KAZN: variants seen among roughly 807,000 people sequenced by gnomAD.
The protein encoded by KAZN is kazrin, periplakin interacting protein, also known as kazrin.
KAZN carries 40 observed loss-of-function variants against 87.4 expected under a neutral mutation model. That is an observed-to-expected ratio of 0.46 (90% confidence interval 0.36 to 0.60). The LOEUF (loss-of-function observed/expected upper bound fraction) is 0.60, where lower values mean the gene tolerates loss of function less well. Among genes scored for constraint, KAZN ranks in the 20% least tolerant of loss-of-function variants. The pLI, the probability that KAZN is intolerant of heterozygous loss-of-function variation, is 0.00. For missense variants in KAZN, 898 were observed against 1,073.9 expected (o/e 0.84, Z 2.29); for synonymous variants, 466 against 458.3 (o/e 1.02, Z -0.22).
chr1:14,822,704 T>G (rs569464548), intron 1 of KAZN, among the ~76,000 whole-genome samples: 1 of 152,344 alleles, frequency 6.6e-6, no homozygotes, highest in South Asian at 2.1e-4. Flanking sequence ...CCCAGTGGCC[T>G]TCTCTGGAGG....
chr1:14,341,548 C>T (rs1233829125), intron 2 of KAZN, among the ~76,000 whole-genome samples: 2 of 152,206 alleles, frequency 1.3e-5, no homozygotes, highest in African/African-American at 2.4e-5. Context: ...TCTGCAAACA[C>T]ACAGGGTTGC....
intron 1 of KAZN, among the ~76,000 whole-genome samples, chr1:14,624,959 T>G (rs560654737): frequency 5.9e-5 from 9 of 151,996 alleles, no homozygotes; most frequent in Non-Finnish European, 1.2e-4. Flanking sequence ...GGGACAACAT[T>G]TGGTTTTTGA....
At position 14,408,192 on chromosome 1, in the gene KAZN, G is replaced by A. The variant is rs564645058; in HGVS notation, c.250-190791G>A. On this transcript the variant is annotated intron_variant, in intron 2 of 16. Transcript: ENST00000636203. ...ATGCTTACATTTTTGCTGGGGTCTGGATTTTCTGAATATTAGAGTTTATGC... is the reference window on the plus strand; with the variant it reads ...ATGCTTACATTTTTGCTGGGGTCTGAATTTTCTGAATATTAGAGTTTATGC... Among the ~76,000 whole-genome samples the A allele has an allele frequency of 2.6e-5, 4 of 152,350 alleles. No homozygotes were observed. In the East Asian group the frequency reaches 5.8e-4, roughly 22 times the overall value.
At chr1:14,581,751 T>A (rs949060490) in intron 2 of KAZN, among the ~76,000 whole-genome samples, 5 of 152,168 alleles carry the variant, frequency 3.3e-5, no homozygotes, top group African/African-American at 1.2e-4. Flanking sequence ...GGGCCTCTCA[T>A]ATCTCTGAGC....
chr1:14,436,734 A>AAAAAAAAAAAAAC (rs563539375), intron 2 of KAZN, among the ~76,000 whole-genome samples: 10 of 137,358 alleles, frequency 7.3e-5, no homozygotes, highest in Non-Finnish European at 1.2e-4. Flanking sequence ...AAAAAAAAAA[A>AAAAAAAAAAAAAC]AAAACCTTAA....
chr1:14,191,387 G>A (rs1406285000), intron 2 of KAZN, among the ~76,000 whole-genome samples: 2 of 152,128 alleles, frequency 1.3e-5, no homozygotes, highest in African/African-American at 4.8e-5. Flanking sequence ...GGTCTAGGAT[G>A]AGCCTCAGAT....
At chr1:14,692,764 T>G (rs879196277) in intron 1 of KAZN, among the ~76,000 whole-genome samples, 1 of 152,114 alleles carries the variant, frequency 6.6e-6, no homozygotes, top group Admixed American at 6.6e-5. Context: ...GAAACCCTGT[T>G]TCTACTAAAA....
chr1:14,408,719 T>G (rs994769611), intron 2 of KAZN, among the ~76,000 whole-genome samples: 3 of 152,194 alleles, frequency 2.0e-5, no homozygotes, highest in Admixed American at 2.0e-4. Flanking sequence ...TTGGGAGTTA[T>G]AGCATCAACA....
intron 1 of KAZN, among the ~76,000 whole-genome samples, chr1:14,016,363 G>A (rs920320626): frequency 8.5e-5 from 13 of 152,120 alleles, no homozygotes; most frequent in Non-Finnish European, 1.8e-4. Context: ...GGCTTACAAA[G>A]CGTATTCATA....
chr1:14,185,441 A>T (rs1424258001), intron 2 of KAZN, among the ~76,000 whole-genome samples: 1 of 152,236 alleles, frequency 6.6e-6, no homozygotes, highest in Admixed American at 6.5e-5. Context: ...TAAGCTGATT[A>T]TTCAAAGGAG....
intron 2 of KAZN, among the ~76,000 whole-genome samples, chr1:14,443,610 A>T (rs553701616): frequency 6.6e-6 from 1 of 152,332 alleles, no homozygotes; most frequent in African/African-American, 2.4e-5. Context: ...GTTAACTGGG[A>T]TGGGAAGATA....
intron 1 of KAZN, among the ~76,000 whole-genome samples, chr1:14,129,985 C>T (rs960839916): frequency 1.3e-5 from 2 of 152,076 alleles, no homozygotes; most frequent in Admixed American, 6.6e-5. Flanking sequence ...ACAAATATAG[C>T]CAGCAACCTG....
At chr1:14,289,215 G>C (rs557421790) in intron 2 of KAZN, among the ~76,000 whole-genome samples, 2 of 152,206 alleles carry the variant, frequency 1.3e-5, no homozygotes, top group South Asian at 4.2e-4. Flanking sequence ...TGCAGAGCTG[G>C]GTTCAAGTCC....
intron 1 of KAZN, among the ~76,000 whole-genome samples, chr1:13,986,508 C>G (rs1443432064): frequency 6.6e-6 from 1 of 152,134 alleles, no homozygotes; most frequent in Non-Finnish European, 1.5e-5. Flanking sequence ...GAGTTAGAGA[C>G]CTTTCTTGCA....
rs548794533 is a variant in KAZN at position 14,511,828 on chromosome 1, C to T, written c.250-87155C>T. ...CTTCGACAATCATGTACTAAAAAGC[C>T]AGACTGGGAAGAAGAATTCAGAATG... is the stretch of plus-strand genomic sequence containing the variant. On this transcript the variant is annotated intron_variant, in intron 2 of 16. Transcript: ENST00000636203. Among the ~76,000 whole-genome samples the T allele has an allele frequency of 1.5e-4, 23 of 152,178 alleles. No individual in the cohort carries two copies. The South Asian group carries it at 4.8e-3, about 32-fold the overall frequency.
At chr1:14,869,604 T>C (rs1651919772) in intron 1 of KAZN, among the ~76,000 whole-genome samples, 1 of 152,152 alleles carries the variant, frequency 6.6e-6, no homozygotes. Flanking sequence ...ATTGAAAGGG[T>C]CTTCTCCTCT....
At chr1:14,632,117 G>C (rs1298544807) in intron 1 of KAZN, among the ~76,000 whole-genome samples, 1 of 152,196 alleles carries the variant, frequency 6.6e-6, no homozygotes, top group Non-Finnish European at 1.5e-5. Flanking sequence ...GGGCTTTGCT[G>C]TAATTCTCAT....
intron 1 of KAZN, among the ~76,000 whole-genome samples, chr1:13,983,084 G>A (rs902528417): frequency 1.3e-5 from 2 of 152,252 alleles, no homozygotes; most frequent in African/African-American, 4.8e-5. Flanking sequence ...CCAGACTCAG[G>A]AGCCCAGCTG....
At chr1:14,279,805 A>C (rs1652698181) in intron 2 of KAZN, among the ~76,000 whole-genome samples, 1 of 152,162 alleles carries the variant, frequency 6.6e-6, no homozygotes, top group African/African-American at 2.4e-5. Context: ...GAGCAAGATG[A>C]GCCTCAAAGC....
Sources: allele counts gnomAD v4.1 joint callset (sites outside exome capture counted in the v4.1 genomes callset), GRCh38; gene constraint gnomAD v4.1.1; transcripts MANE v1.5; gene names NCBI Gene and HGNC (gene_info 2026-07-23, HGNC 2026-07-21).